Variants in ZNF609 observed in about 807,000 individuals in gnomAD.
ZNF609 encodes zinc finger protein 609.
A neutral mutation model predicts 109.5 loss-of-function variants in ZNF609; 11 were observed. The ratio of observed to expected loss-of-function variants is 0.10; its 90% CI spans 0.06 to 0.17. ZNF609 has a LOEUF of 0.17. Ranked by LOEUF, ZNF609 falls within the 10% of genes least tolerant of loss-of-function variation. The pLI, the probability that ZNF609 is intolerant of heterozygous loss-of-function variation, is 1.00. For missense variants in ZNF609, 1,559 were observed against 1,772.4 expected (o/e 0.88, Z 2.16); for synonymous variants, 646 against 662.0 (o/e 0.98, Z 0.37).
chr15:64,668,975 A>G (rs1197240156), intron 3 of ZNF609, among the ~76,000 whole-genome samples: 2 of 151,272 alleles, frequency 1.3e-5, no homozygotes, highest in African/African-American at 4.8e-5. Flanking sequence ...AAAAAAAAAA[A>G]AAGGAATTAA....
At chr15:64,581,168 T>C (rs1895098467) in intron 2 of ZNF609, among the ~76,000 whole-genome samples, 1 of 151,958 alleles carries the variant, frequency 6.6e-6, no homozygotes, top group Non-Finnish European at 1.5e-5. Flanking sequence ...TGGGACTATA[T>C]GCATGTCACC....
chr15:64,655,186 CAG>C (rs1896472880), intron 3 of ZNF609, among the ~76,000 whole-genome samples: 2 of 148,404 alleles, frequency 1.3e-5, no homozygotes, highest in Admixed American at 1.3e-4. Flanking sequence ...GGAAAAAAAA[CAG>C]AATAGTCCAG....
chr15:64,577,912 T>C (rs1052856606), intron 2 of ZNF609, among the ~76,000 whole-genome samples: 5 of 151,470 alleles, frequency 3.3e-5, no homozygotes, highest in Non-Finnish European at 7.4e-5. Context: ...CCCAACACTT[T>C]AGGAGGTCAA....
At chr15:64,468,887 C>A (rs1476032176) in intron 1 of ZNF609, among the ~76,000 whole-genome samples, 1 of 151,972 alleles carries the variant, frequency 6.6e-6, no homozygotes, top group Non-Finnish European at 1.5e-5. Flanking sequence ...ATGATCACTG[C>A]GGTTCCATTT....
intron 2 of ZNF609, among the ~76,000 whole-genome samples, chr15:64,620,914 T>C (rs1456505321): frequency 6.6e-6 from 1 of 152,140 alleles, no homozygotes. Flanking sequence ...AGAGTGATAG[T>C]CATGTAGTAA....
intron 1 of ZNF609, among the ~76,000 whole-genome samples, chr15:64,465,257 G>A (rs1892998445): frequency 6.6e-6 from 1 of 152,198 alleles, no homozygotes; most frequent in Non-Finnish European, 1.5e-5. Flanking sequence ...TTGACTTTTT[G>A]TGGAAGTCTA....
chr15:64,550,721 A>AG, intron 2 of ZNF609, among the ~76,000 whole-genome samples: 1 of 151,698 alleles, frequency 6.6e-6, no homozygotes, highest in Non-Finnish European at 1.5e-5. Context: ...CTGTAATCCC[A>AG]GCTACTTGAG....
In ZNF609 at chr15:64,675,478, C is replaced by G; in HGVS notation, c.2624C>G (p.Ala875Gly). ...KDAEQLVKEG[A>G]KKTLFPPQPQ... ...GCCGAACAGTTGGTTAAAGAAGGGG[C>G]TAAGAAAACTCTTTTTCCCCCTCAG... Residue 875 changes from alanine (A) to glycine (G), a missense_variant, in exon 5 of 10, where the codon GCT (alanine) becomes GGT (glycine). Physicochemically the swap from Ala to Gly is moderately conservative, Grantham distance 60. This residue lies in a region of ZNF609 where 1,204 missense variants were observed against 1,314.1 expected (regional missense o/e 0.92). Transcript: ENST00000326648. The G allele has an allele frequency of 6.2e-7, 1 of 1,614,130 alleles. No homozygotes were observed. The highest frequency in any genetic ancestry group is 8.5e-7 in the Non-Finnish European group (1 of 1,180,042).
At chr15:64,539,912 C>T (rs147780793) in intron 2 of ZNF609, among the ~76,000 whole-genome samples, 410 of 152,274 alleles carry the variant, frequency 2.7e-3, no homozygotes, top group Non-Finnish European at 4.4e-3. Context: ...GCTGGGATTA[C>T]GGGCCTGAGC....
intron 2 of ZNF609, among the ~76,000 whole-genome samples, chr15:64,516,305 AT>A (rs1893807843): frequency 6.6e-6 from 1 of 151,972 alleles, no homozygotes; most frequent in East Asian, 1.9e-4. Flanking sequence ...ATTTATTTGT[AT>A]TTGTTTTTCG....
Position 64,683,151 on chromosome 15 carries a change from T to C in ZNF609, c.*1465T>C, listed in dbSNP as rs2083220933. On this transcript the variant is annotated 3_prime_UTR_variant, in exon 10 of 10. Coordinates refer to ENST00000326648, the MANE Select transcript of ZNF609 (RefSeq NM_015042.2). ...GTGGGGAGCTTAGCTTACTTGGCTT[T>C]TGAGGTATCATCCCTCTGTTCTCCC... The C allele has an allele frequency of 6.6e-6, 1 of 152,616 alleles. No homozygotes were observed. Among genetic ancestry groups the C allele is most frequent in the African/African-American group, 2.4e-5 (1 of 41,452 alleles). 9.5% of individuals were successfully genotyped at this position (152,616 alleles called of 1,614,324 possible). A position where few individuals can be genotyped will look rare whatever the true frequency, so the allele number is the denominator to read the frequency against.
chr15:64,676,218 C>A lies in ZNF609; in HGVS notation c.3364C>A (p.Arg1122=). 1.9e-6 allele frequency: 3 copies of A among 1,613,178 alleles called. No individual in the cohort carries two copies. The highest frequency in any genetic ancestry group is 2.2e-5 in the South Asian group (2 of 90,952). ...GGCCAAGACAGGTGCTGAGTGTGGT[C>A]GACAGGCAGAGATGGATCCAATACT... is the stretch of plus-strand genomic sequence containing the variant. ...SEAKTGAECG[R]QAEMDPILWY... is the part of the protein sequence containing the mutation. Residue 1122 remains arginine, a synonymous_variant, in exon 5 of 10, where the codon CGA becomes AGA. Coordinates refer to ENST00000326648, the MANE Select transcript of ZNF609 (RefSeq NM_015042.2).
At chr15:64,520,565 C>T (rs2140364102) in intron 2 of ZNF609, among the ~76,000 whole-genome samples, 1 of 152,200 alleles carries the variant, frequency 6.6e-6, no homozygotes, top group South Asian at 2.1e-4. Context: ...TTTTTATTAT[C>T]CCCAAATCTC....
chr15:64,517,353 G>T lies in ZNF609; in HGVS notation c.747+17187G>T, dbSNP rs184163544. Among the ~76,000 whole-genome samples the T allele has an allele frequency of 4.5e-3, 687 of 152,232 alleles. 7 individuals carry two copies. Among genetic ancestry groups the T allele is most frequent in the South Asian group, 0.015 (73 of 4,824 alleles). On this transcript the variant is annotated intron_variant, in intron 2 of 9. Coordinates refer to ENST00000326648, the MANE Select transcript of ZNF609 (RefSeq NM_015042.2). ...GATCATGCCACTGCATTCCAGCCTAGGTGACAGAGGGGGATTCTGTCTCAA... is the reference window on the plus strand; with the variant it reads ...GATCATGCCACTGCATTCCAGCCTATGTGACAGAGGGGGATTCTGTCTCAA...
chr15:64,517,035 C>T (rs745884300), intron 2 of ZNF609, among the ~76,000 whole-genome samples: 4 of 152,088 alleles, frequency 2.6e-5, no homozygotes, highest in South Asian at 2.1e-4. Context: ...TATTTAATTG[C>T]GAGTTTTAAG....
Position 64,629,398 on chromosome 15 carries a change from G to A in ZNF609, c.973+6346G>A, listed in dbSNP as rs1896027502. Among the ~76,000 whole-genome samples the A allele has an allele frequency of 2.0e-5, 3 of 152,156 alleles. No homozygotes were observed. The South Asian group carries it at 6.2e-4, about 32-fold the overall frequency. On this transcript the variant is annotated intron_variant, in intron 3 of 9. Coordinates refer to ENST00000326648, the MANE Select transcript of ZNF609 (RefSeq NM_015042.2). ...GGAGAAGAAATGAAACTATAATAAT[G>A]ATTTAATATAAGAGAATTTGGAGGT...
chr15:64,603,599 T>A (rs1895542739), intron 2 of ZNF609, among the ~76,000 whole-genome samples: 1 of 151,518 alleles, frequency 6.6e-6, no homozygotes, highest in Non-Finnish European at 1.5e-5. Context: ...TGACAAGTAA[T>A]CTCCCACCAC....
intron 6 of ZNF609, 100 bp from the exon 7 acceptor site, chr15:64,680,085 C>A: frequency 1.6e-6 from 2 of 1,284,222 alleles, no homozygotes; most frequent in Non-Finnish European, 2.2e-6. Context: ...ATACCTCAGC[C>A]TGTGCCTAGG....
In ZNF609 at chr15:64,606,331, G is replaced by T. The variant is rs545346004; in HGVS notation, c.748-16496G>T. Among the ~76,000 whole-genome samples, 3 of 151,436 alleles carry T rather than the reference G, an allele frequency of 2.0e-5. No individual in the cohort carries two copies. In the South Asian group the frequency reaches 6.3e-4, roughly 32 times the overall value. ...TCATGCCTGTAATCTCAGCACTTTGGGAGGCTGAGGCAAGCGCAGGAGTTC... is the reference window on the plus strand; with the variant it reads ...TCATGCCTGTAATCTCAGCACTTTGTGAGGCTGAGGCAAGCGCAGGAGTTC... On this transcript the variant is annotated intron_variant, in intron 2 of 9. Transcript: ENST00000326648.
Sources: gnomAD v4.1 joint callset for allele counts (sites outside exome capture counted in the v4.1 genomes callset) on GRCh38, gnomAD v4.1.1 for gene constraint, gnomAD v4.1.1 regional missense constraint, MANE v1.5 for transcripts, NCBI Gene and HGNC (gene_info 2026-07-23, HGNC 2026-07-21) for gene names.